Variants in MYO3A observed in about 807,000 individuals in gnomAD.
The protein encoded by MYO3A is myosin IIIA.
MYO3A carries 180 observed loss-of-function variants against 192.7 expected under a neutral mutation model. That is an observed-to-expected ratio of 0.93 (90% CI 0.83 to 1.06). The LOEUF (loss-of-function observed/expected upper bound fraction) is 1.06. MYO3A is among the 50% of genes least tolerant of loss of function. The pLI, the probability that MYO3A is intolerant of heterozygous loss-of-function variation, is 0.00. For synonymous variants in MYO3A, 628 were observed against 645.3 expected, an observed-to-expected ratio of 0.97 and a Z score of 0.41; for missense variants, 1,896 against 1,905.0, an observed-to-expected ratio of 1.00 and a Z score of 0.09.
intron 34 of MYO3A, among the ~76,000 whole-genome samples, chr10:26,209,144 C>T (rs554654585): frequency 1.3e-5 from 2 of 152,294 alleles, no homozygotes; most frequent in East Asian, 1.9e-4. Context: ...ATATATCAGT[C>T]GTCCTACCAC....
rs1401621315 is a variant in MYO3A, at chr10:26,094,645, C to T, written c.1563-1736C>T. Among the ~76,000 whole-genome samples the T allele has an allele frequency of 3.9e-5, 6 of 152,098 alleles. No individual in the cohort carries two copies. In the East Asian group the frequency reaches 5.8e-4, roughly 15 times the overall value. On this transcript the variant is annotated intron_variant, in intron 15 of 34. Coordinates refer to ENST00000642920, the MANE Select transcript of MYO3A (RefSeq NM_017433.5). The stretch of plus-strand genomic sequence containing the variant: ...TTCACCGTGTTAGCCAGGATGGTCT[C>T]GATCTCCTGACCTTGTGATCCGCCC...
At chr10:25,954,259 C>T (rs1837394558) in intron 3 of MYO3A, among the ~76,000 whole-genome samples, 1 of 152,038 alleles carries the variant, frequency 6.6e-6, no homozygotes, top group Non-Finnish European at 1.5e-5. Flanking sequence ...TGAATTGTTT[C>T]ATATATATGC....
intron 31 of MYO3A, among the ~76,000 whole-genome samples, chr10:26,181,203 T>C (rs1842604115): frequency 6.6e-6 from 1 of 152,212 alleles, no homozygotes. Context: ...TCTTATCTTC[T>C]GCTGAATGCC....
intron 7 of MYO3A, among the ~76,000 whole-genome samples, chr10:26,017,866 TAG>T (rs1482748531): frequency 1.3e-5 from 2 of 151,406 alleles, no homozygotes; most frequent in African/African-American, 4.8e-5. Context: ...AGAGTTTCTT[TAG>T]AGTTTGTTCT....
chr10:26,067,886 G>C (rs1227758432), intron 11 of MYO3A, among the ~76,000 whole-genome samples: 1 of 151,976 alleles, frequency 6.6e-6, no homozygotes, highest in African/African-American at 2.4e-5. Context: ...ACTCAGAAAT[G>C]TACCAATCAA....
rs1835480163 is a variant in MYO3A, at chr10:26,075,575, TATATATATATATATG to T, written c.1359+5185_1359+5199del. Among the ~76,000 whole-genome samples, 18 of 52,120 alleles carry T rather than the reference TATATATATATATATG, an allele frequency of 3.5e-4. No individual in the cohort carries two copies. In the South Asian group the frequency reaches 0.013, roughly 37 times the overall value. 34.2% of individuals were successfully genotyped at this position (52,120 alleles called of 152,430 possible). A position where few individuals can be genotyped will look rare whatever the true frequency, so the allele number is the denominator to read the frequency against. ...CTTCACTTACAGTAATAGTCTCTCA[TATATATATATATATG>T]ATATATATATGTCTCTCTCATATAT... On this transcript the variant is annotated intron_variant, in intron 14 of 34. Transcript: ENST00000642920.
intron 2 of MYO3A, among the ~76,000 whole-genome samples, chr10:25,944,747 A>T (rs1437420194): frequency 6.6e-6 from 1 of 151,982 alleles, no homozygotes; most frequent in African/African-American, 2.4e-5. Flanking sequence ...AATTGGTAAT[A>T]ATTTTCCCTC....
intron 3 of MYO3A, among the ~76,000 whole-genome samples, chr10:25,953,679 T>C (rs1450383007): frequency 6.6e-6 from 1 of 152,148 alleles, no homozygotes; most frequent in Non-Finnish European, 1.5e-5. Context: ...TTATAATCCA[T>C]GTAACGACTA....
chr10:25,991,315 T>A (rs1840014725), intron 4 of MYO3A, among the ~76,000 whole-genome samples: 1 of 152,264 alleles, frequency 6.6e-6, no homozygotes, highest in South Asian at 2.1e-4. Flanking sequence ...CGTCTTCTTT[T>A]GAGAAATGTC....
At chr10:25,963,714 A>C (rs1838084164) in intron 4 of MYO3A, among the ~76,000 whole-genome samples, 1 of 152,174 alleles carries the variant, frequency 6.6e-6, no homozygotes, top group East Asian at 1.9e-4. Flanking sequence ...CCTCTCATGT[A>C]AAAGGCTATT....
intron 23 of MYO3A, among the ~76,000 whole-genome samples, chr10:26,148,762 T>C (rs890044292): frequency 3.3e-5 from 5 of 152,248 alleles, no homozygotes; most frequent in African/African-American, 1.2e-4. Flanking sequence ...TTATAAATGG[T>C]AATTTTTAAC....
intron 6 of MYO3A, among the ~76,000 whole-genome samples, chr10:25,998,072 A>G (rs142963856): frequency 1.2e-3 from 178 of 152,244 alleles, no homozygotes; most frequent in African/African-American, 3.6e-3. Context: ...GTTTGCATTT[A>G]TCGTATAGAA....
intron 14 of MYO3A, among the ~76,000 whole-genome samples, chr10:26,079,888 G>T (rs1387200777): frequency 1.3e-5 from 2 of 152,146 alleles, no homozygotes; most frequent in African/African-American, 4.8e-5. Flanking sequence ...TGAGAAATCT[G>T]CTGTTAATCT....
chr10:26,174,667 G>A (rs1432198826), intron 30 of MYO3A, 110 bp downstream of exon 30: 2 of 910,648 alleles, frequency 2.2e-6, no homozygotes, highest in African/African-American at 1.7e-5. Flanking sequence ...GCGTTGATGG[G>A]CCCGCAAACA....
At chr10:26,154,296 C>T (rs1840972455) in intron 24 of MYO3A, among the ~76,000 whole-genome samples, 1 of 152,158 alleles carries the variant, frequency 6.6e-6, no homozygotes, top group Non-Finnish European at 1.5e-5. Context: ...ATTCTCCTGC[C>T]TCAGCCTCCT....
chr10:26,040,922 G>A (rs1457859012), intron 10 of MYO3A, among the ~76,000 whole-genome samples: 1 of 152,052 alleles, frequency 6.6e-6, no homozygotes, highest in Non-Finnish European at 1.5e-5. Flanking sequence ...CATCTATAAT[G>A]CAGATTAAGT....
At chr10:26,132,973 C>A (rs969293424) in intron 20 of MYO3A, among the ~76,000 whole-genome samples, 1 of 152,132 alleles carries the variant, frequency 6.6e-6, no homozygotes, top group African/African-American at 2.4e-5. Flanking sequence ...AATAAAAATT[C>A]ACTTAATATA....
At chr10:26,056,988 A>G (rs933341452) in intron 10 of MYO3A, among the ~76,000 whole-genome samples, 1 of 152,192 alleles carries the variant, frequency 6.6e-6, no homozygotes, top group Non-Finnish European at 1.5e-5. Context: ...CATGAAAGCT[A>G]CAGAGGAGAG....
chr10:26,054,242 A>G (rs1450622232), intron 10 of MYO3A, among the ~76,000 whole-genome samples: 1 of 152,222 alleles, frequency 6.6e-6, no homozygotes, highest in Non-Finnish European at 1.5e-5. Flanking sequence ...GTCGGAAACA[A>G]TGGTGGCTTA....
Sources: allele counts gnomAD v4.1 joint callset (sites outside exome capture counted in the v4.1 genomes callset), GRCh38; gene constraint gnomAD v4.1.1; transcripts MANE v1.5; gene names NCBI Gene and HGNC (gene_info 2026-07-23, HGNC 2026-07-21).